PAPPA2: variants seen among roughly 807,000 people sequenced by gnomAD.
PAPPA2 encodes the protein pappalysin 2, also known as pappalysin-2.
In PAPPA2, 86 loss-of-function variants were observed where a neutral mutation model predicts 176.4. The ratio of observed to expected loss-of-function variants is 0.49; its 90% CI spans 0.41 to 0.58. The LOEUF is 0.58. Among genes scored for constraint, PAPPA2 ranks in the 20% least tolerant of loss-of-function variants. PAPPA2 has a pLI of 0.00. For missense variants in PAPPA2, 2,073 were observed against 2,256.9 expected (o/e 0.92, Z 1.65); for synonymous variants, 809 against 852.2 (o/e 0.95, Z 0.88).
rs7514203 is a variant in PAPPA2 at position 176,842,785 on chromosome 1, C to G, written c.*331C>G. The G allele has an allele frequency of 4.5e-6, 1 of 222,602 alleles. No individual in the cohort carries two copies. The highest frequency in any genetic ancestry group is 2.3e-5 in the African/African-American group (1 of 43,130). 13.8% of individuals were successfully genotyped at this position (222,602 alleles called of 1,614,324 possible). On this transcript the variant is annotated 3_prime_UTR_variant, in exon 23 of 23. Transcript: ENST00000367662. ...CTCAACTCTTGCCCTGCTCTCCGCT[C>G]CACCCCCTGCCAACTACTCAGTCCC...
chr1:176,660,109 G>A (rs901611529), intron 3 of PAPPA2, among the ~76,000 whole-genome samples: 13 of 152,104 alleles, frequency 8.5e-5, no homozygotes, highest in African/African-American at 3.1e-4. Flanking sequence ...TTCTGGGCAA[G>A]TCTTCCAAAG....
intron 5 of PAPPA2, chr1:176,691,236 A>C: frequency 1.1e-6 from 1 of 927,336 alleles, no homozygotes; most frequent in Non-Finnish European, 1.3e-6. Flanking sequence ...TTTTTTCTAT[A>C]AGTTTTGGGG....
At chr1:176,612,242 A>G (rs1220582657) in intron 3 of PAPPA2, among the ~76,000 whole-genome samples, 1 of 151,930 alleles carries the variant, frequency 6.6e-6, no homozygotes, top group Non-Finnish European at 1.5e-5. Flanking sequence ...AAAAATCCAA[A>G]ACTTAGCTGG....
intron 3 of PAPPA2, among the ~76,000 whole-genome samples, chr1:176,669,131 TGAG>T (rs1658841103): frequency 6.6e-6 from 1 of 152,056 alleles, no homozygotes; most frequent in African/African-American, 2.4e-5. Context: ...GAGAAGTGCC[TGAG>T]GAGAAGAGAG....
intron 21 of PAPPA2, among the ~76,000 whole-genome samples, chr1:176,815,723 G>A (rs72718620): frequency 0.16 from 18,198 of 111,476 alleles, 1,243 homozygotes; most frequent in Middle Eastern, 0.33. Flanking sequence ...ATCAACACGT[G>A]CAAGATCTAC....
intron 17 of PAPPA2, among the ~76,000 whole-genome samples, chr1:176,780,682 A>G (rs1274855375): frequency 2.0e-5 from 3 of 151,734 alleles, no homozygotes; most frequent in Non-Finnish European, 2.9e-5. Flanking sequence ...CCCTATTATA[A>G]TATTTCTATT....
At chr1:176,780,908 T>C (rs766993773) in intron 17 of PAPPA2, among the ~76,000 whole-genome samples, 1 of 152,224 alleles carries the variant, frequency 6.6e-6, no homozygotes, top group Non-Finnish European at 1.5e-5. Context: ...ATATTTGGAC[T>C]TTGTGAAATA....
At chr1:176,730,367 A>G (rs115312643) in intron 12 of PAPPA2, among the ~76,000 whole-genome samples, 128 of 151,728 alleles carry the variant, frequency 8.4e-4, no homozygotes, top group African/African-American at 2.9e-3. Context: ...AAATTTATTA[A>G]TTTCTTCCAT....
chr1:176,650,966 A>G (rs1441284714), intron 3 of PAPPA2, among the ~76,000 whole-genome samples: 2 of 151,774 alleles, frequency 1.3e-5, no homozygotes, highest in Admixed American at 1.3e-4. Context: ...TCACAAGGAA[A>G]ATAATACAAA....
chr1:176,623,627 T>TTTTCTTTCTTTCTTTCTTTCTTTC (rs1558479113), intron 3 of PAPPA2, among the ~76,000 whole-genome samples: 5 of 81,904 alleles, frequency 6.1e-5, no homozygotes, highest in African/African-American at 2.9e-4. Context: ...TCCTTCCTTT[T>TTTTCTTTCTTTCTTTCTTTCTTTC]TTACTTTCTT....
chr1:176,514,553 A>C (rs1191064298), intron 1 of PAPPA2, among the ~76,000 whole-genome samples: 1 of 152,226 alleles, frequency 6.6e-6, no homozygotes, highest in East Asian at 1.9e-4. Flanking sequence ...ATTTGACTTA[A>C]GTCAAAACCT....
rs1665750953 is a variant in PAPPA2 at position 176,803,089 on chromosome 1, T to C, written c.5202+2957T>C. The stretch of plus-strand genomic sequence containing the variant: ...CTTTGAGACCTGAATACTCCTTGTA[T>C]CTTCTGTTTCTTTCGTAAACTGCAT... On this transcript the variant is annotated intron_variant, in intron 21 of 22. Transcript: ENST00000367662. Among the ~76,000 whole-genome samples the C allele has an allele frequency of 2.6e-5, 4 of 152,202 alleles. No homozygotes were observed. In the South Asian group the frequency reaches 8.3e-4, roughly 32 times the overall value.
intron 21 of PAPPA2, among the ~76,000 whole-genome samples, chr1:176,818,305 C>T (rs780990461): frequency 1.2e-4 from 18 of 152,134 alleles, no homozygotes; most frequent in Non-Finnish European, 2.5e-4. Context: ...GATACTGCTG[C>T]CTCTCAGTCA....
At chr1:176,525,548 G>A (rs571608677) in intron 1 of PAPPA2, among the ~76,000 whole-genome samples, 49 of 152,076 alleles carry the variant, frequency 3.2e-4, no homozygotes, top group Middle Eastern at 3.2e-3. Context: ...AGAATCACCT[G>A]GAGAACATTA....
chr1:176,735,728 CTATCTATCTATCATCT>C (rs751294748), intron 12 of PAPPA2, among the ~76,000 whole-genome samples: 9 of 135,112 alleles, frequency 6.7e-5, no homozygotes, highest in Non-Finnish European at 9.7e-5. Flanking sequence ...ATCTATCTAT[CTATCTATCTATCATCT>C]ATCTGTCTGT....
chr1:176,580,229 A>G (rs1652882948), intron 2 of PAPPA2, among the ~76,000 whole-genome samples: 1 of 152,140 alleles, frequency 6.6e-6, no homozygotes, highest in Non-Finnish European at 1.5e-5. Context: ...TCAACTTTTT[A>G]AGCTTCTGCA....
intron 12 of PAPPA2, among the ~76,000 whole-genome samples, chr1:176,728,102 A>T (rs1381089074): frequency 6.6e-6 from 1 of 151,994 alleles, no homozygotes; most frequent in Non-Finnish European, 1.5e-5. Flanking sequence ...GTAGAAAAAG[A>T]TCAAATTAAA....
rs55758426 is a variant in PAPPA2 at position 176,735,677 on chromosome 1, A to AATCTATCT, written c.3799-3893_3799-3886dup. Among the ~76,000 whole-genome samples, 168 of 144,378 alleles carry AATCTATCT rather than the reference A, an allele frequency of 1.2e-3. 1 individual carries two copies. The highest frequency in any genetic ancestry group is 2.6e-3 in the South Asian group (11 of 4,264). 94.7% of individuals were successfully genotyped at this position (144,378 alleles called of 152,430 possible). On this transcript the variant is annotated intron_variant, in intron 12 of 22. Coordinates refer to ENST00000367662, the MANE Select transcript of PAPPA2 (RefSeq NM_020318.3). ...TGAGACTGGCTTTCCCATCTCTCAG[A>AATCTATCT]ATCTATCTATCTATCTATCTATCTA... is the stretch of plus-strand genomic sequence containing the variant.
intron 14 of PAPPA2, among the ~76,000 whole-genome samples, chr1:176,750,814 A>T (rs368359354): frequency 2.0e-5 from 3 of 152,202 alleles, no homozygotes; most frequent in African/African-American, 7.2e-5. Context: ...ATAAAATTTG[A>T]GTCAAGGAAA....
Sources: gnomAD v4.1 joint callset for allele counts (sites outside exome capture counted in the v4.1 genomes callset) on GRCh38, gnomAD v4.1.1 for gene constraint, MANE v1.5 for transcripts, NCBI Gene and HGNC (gene_info 2026-07-23, HGNC 2026-07-21) for gene names.